The following PRKCH variants were observed in gnomAD, a reference collection of about 807,000 sequenced individuals.
The protein encoded by PRKCH is protein kinase C eta type.
PRKCH carries 28 observed loss-of-function variants against 82.5 expected under a neutral mutation model. The observed-to-expected ratio is 0.34, with a 90% CI of 0.25 to 0.47. The LOEUF is 0.47. PRKCH is among the 20% of genes least tolerant of loss of function. The pLI, the probability that PRKCH is intolerant of heterozygous loss-of-function variation, is 1.00. For synonymous variants in PRKCH, 322 were observed against 327.4 expected (o/e 0.98, Z 0.18); for missense variants, 705 against 881.8 (o/e 0.80, Z 2.54).
At chr14:61,516,449 G>T (rs1427095131) in intron 10 of PRKCH, among the ~76,000 whole-genome samples, 1 of 152,112 alleles carries the variant, frequency 6.6e-6, no homozygotes, top group Non-Finnish European at 1.5e-5. Context: ...AAGTTATAAT[G>T]ACTCACACTT....
At chr14:61,514,439 G>C (rs2042792541) in intron 10 of PRKCH, among the ~76,000 whole-genome samples, 1 of 152,078 alleles carries the variant, frequency 6.6e-6, no homozygotes, top group Non-Finnish European at 1.5e-5. Context: ...TGGTCTTGAA[G>C]GATTGACGCC....
intron 1 of PRKCH, among the ~76,000 whole-genome samples, chr14:61,380,112 G>A (rs1429545134): frequency 1.3e-5 from 2 of 152,086 alleles, no homozygotes; most frequent in Non-Finnish European, 2.9e-5. Context: ...TCTCCGGGGT[G>A]CAGTGTTGGA....
At chr14:61,453,074 A>T in intron 6 of PRKCH, 152 bp from the exon 7 acceptor site, 1 of 885,232 alleles carries the variant, frequency 1.1e-6, no homozygotes, top group Non-Finnish European at 1.7e-6. Context: ...AGGAACTATT[A>T]CTAGTGTGAG....
chr14:61,191,693 A>G (rs1284206402), intron 1 of PRKCH, among the ~76,000 whole-genome samples: 1 of 152,086 alleles, frequency 6.6e-6, no homozygotes, highest in Non-Finnish European at 1.5e-5. Context: ...ATACTAAGCA[A>G]TTGGGTCAGA....
At chr14:61,214,116 G>A (rs1313651458) in intron 1 of PRKCH, among the ~76,000 whole-genome samples, 2 of 152,154 alleles carry the variant, frequency 1.3e-5, no homozygotes, top group African/African-American at 2.4e-5. Context: ...CACTGTGGGG[G>A]GTGTACTGAG....
intron 2 of PRKCH, among the ~76,000 whole-genome samples, chr14:61,394,818 G>A (rs1280363339): frequency 6.6e-6 from 1 of 152,184 alleles, no homozygotes; most frequent in African/African-American, 2.4e-5. Context: ...GATGAGTTGA[G>A]TTTATCTTTG....
intron 2 of PRKCH, among the ~76,000 whole-genome samples, chr14:61,415,256 C>T (rs1054605126): frequency 5.3e-5 from 8 of 152,228 alleles, no homozygotes; most frequent in Admixed American, 3.9e-4. Flanking sequence ...CTGTGCACCT[C>T]TCCCTCCCCA....
chr14:61,275,609 G>C (rs2045194732), intron 1 of PRKCH, among the ~76,000 whole-genome samples: 1 of 152,120 alleles, frequency 6.6e-6, no homozygotes, highest in Non-Finnish European at 1.5e-5. Flanking sequence ...AAAGAGGTGA[G>C]CCACCATTCG....
intron 1 of PRKCH, among the ~76,000 whole-genome samples, chr14:61,232,995 C>A (rs2044756854): frequency 6.6e-6 from 1 of 152,078 alleles, no homozygotes; most frequent in Non-Finnish European, 1.5e-5. Context: ...TATCATTGTC[C>A]ACCCCTACTC....
chr14:61,452,712 C>A (rs1884568108), intron 6 of PRKCH: 1 of 161,972 alleles, frequency 6.2e-6, no homozygotes. Flanking sequence ...TGCCCAACCA[C>A]AACAATACTC....
intron 2 of PRKCH, among the ~76,000 whole-genome samples, chr14:61,441,032 G>A (rs1052523193): frequency 6.6e-6 from 1 of 150,768 alleles, no homozygotes; most frequent in Non-Finnish European, 1.5e-5. Flanking sequence ...ATCCTCCCTA[G>A]TAGCTGAGAC....
intron 10 of PRKCH, among the ~76,000 whole-genome samples, chr14:61,527,263 A>G (rs1023230537): frequency 2.0e-5 from 1 of 50,378 alleles, no homozygotes; most frequent in African/African-American, 7.1e-5. Context: ...AATGCTTTCA[A>G]CCAGTCTCCA....
rs780798340 is a variant in PRKCH at position 61,280,908 on chromosome 14, G to T, written c.-19+93240G>T. On this transcript the variant is annotated intron_variant, in intron 1 of 3. Coordinates refer to the PRKCH transcript ENST00000555185. The surrounding 1 kb of genome is among the most constrained non-coding windows in gnomAD (Gnocchi z 5.0). ...GCAGCGCCCGGCCCTGGCCAGCCGC[G>T]GCGCACACCGAGCAGTTACCGGTGC... 6.5e-7 allele frequency: 1 copy of T among 1,546,272 alleles called. No individual in the cohort carries two copies. Among genetic ancestry groups the T allele is most frequent in the Non-Finnish European group, 8.7e-7 (1 of 1,151,448 alleles).
At position 61,334,633 on chromosome 14, in the gene PRKCH, T is replaced by C. The variant is rs185873991; in HGVS notation, c.363+12169T>C. ...ACAGTGGAGGGTGGCAGAAAGAGAGTCGGCTTGGTGTCAGAAAGCTCGGGG... is the reference window on the plus strand; with the variant it reads ...ACAGTGGAGGGTGGCAGAAAGAGAGCCGGCTTGGTGTCAGAAAGCTCGGGG... On this transcript the variant is annotated intron_variant, in intron 1 of 13. Transcript: ENST00000332981. 3.4e-3 allele frequency among the ~76,000 whole-genome samples: 510 copies of C among 151,810 alleles called. 5 individuals are homozygous for C. The highest frequency in any genetic ancestry group is 0.011 in the African/African-American group (469 of 41,382).
chr14:61,368,814 G>T (rs781128317), intron 1 of PRKCH, among the ~76,000 whole-genome samples: 1 of 152,104 alleles, frequency 6.6e-6, no homozygotes, highest in African/African-American at 2.4e-5. Context: ...CTTTGAAAAT[G>T]ACATTTAATT....
At chr14:61,510,919 G>A (rs982322120) in intron 10 of PRKCH, among the ~76,000 whole-genome samples, 1 of 152,110 alleles carries the variant, frequency 6.6e-6, no homozygotes, top group African/African-American at 2.4e-5. Context: ...TGGCAGGAAT[G>A]CTGGAAGTAA....
chr14:61,228,315 C>T lies in PRKCH; in HGVS notation c.-19+40647C>T, dbSNP rs769715123. Among the ~76,000 whole-genome samples, 165 of 152,298 alleles carry T rather than the reference C, an allele frequency of 1.1e-3. 1 individual carries two copies. The highest frequency in any genetic ancestry group is 6.8e-3 in the Middle Eastern group (2 of 294). ...CAGAGAGAAAAGCAATTTTTAAAGT[C>T]TAGACAGCATATTAACAACAAGGGC... is the stretch of plus-strand genomic sequence containing the variant. On this transcript the variant is annotated intron_variant, in intron 1 of 3. Transcript: ENST00000555185.
In PRKCH at chr14:61,473,632, A is replaced by G. The variant is rs1885600880; in HGVS notation, c.1279-11870A>G. On this transcript the variant is annotated intron_variant, in intron 9 of 13. Transcript: ENST00000332981. ...AGTGGTAAGATGCTTGTTTGTCAGA[A>G]ACACACTTGAGATGGGAGATCAGTT... Among the ~76,000 whole-genome samples, 3 of 152,192 alleles carry G rather than the reference A, an allele frequency of 2.0e-5. No homozygotes were observed. In the South Asian group the frequency reaches 6.2e-4, roughly 32 times the overall value.
At chr14:61,328,021 C>T (rs12889876) in intron 1 of PRKCH, among the ~76,000 whole-genome samples, 118,050 of 150,796 alleles carry the variant, frequency 0.78, 48,353 homozygotes, top group Non-Finnish European at 0.91. Flanking sequence ...GAGGCCGAGG[C>T]GGGTGGATCA....
Sources: allele counts gnomAD v4.1 joint callset (sites outside exome capture counted in the v4.1 genomes callset), GRCh38; gene constraint gnomAD v4.1.1; non-coding constraint Gnocchi (gnomAD v3.1); transcripts MANE v1.5; gene names NCBI Gene and HGNC (gene_info 2026-07-23, HGNC 2026-07-21).